Variants in GLG1 observed in about 807,000 individuals in gnomAD.
GLG1 encodes Golgi apparatus protein 1.
In GLG1, 38 loss-of-function variants were observed where a neutral mutation model predicts 160.5. The ratio of observed to expected loss-of-function variants is 0.24; its 90% confidence interval spans 0.18 to 0.31. The LOEUF is 0.31. GLG1 is among the 10% of genes least tolerant of loss of function. The pLI is 1.00. For synonymous variants in GLG1, 644 were observed against 543.4 expected, an observed-to-expected ratio of 1.19 and a Z score of -2.57; for missense variants, 1,373 against 1,505.2, an observed-to-expected ratio of 0.91 and a Z score of 1.45.
chr16:74,596,412 C>T (rs924651287), intron 1 of GLG1, among the ~76,000 whole-genome samples: 1 of 150,274 alleles, frequency 6.7e-6, no homozygotes, highest in African/African-American at 2.5e-5. Context: ...GCCTGTAAAC[C>T]CAGCTACTCG....
chr16:74,532,924 G>C (rs747466670), intron 1 of GLG1, among the ~76,000 whole-genome samples: 13 of 152,114 alleles, frequency 8.5e-5, no homozygotes, highest in Non-Finnish European at 1.9e-4. Flanking sequence ...AACTTCCTGT[G>C]AGTCTATAAT....
At position 74,447,829 on chromosome 16, in the gene GLG1, C is replaced by A. The variant is rs2014128456; in HGVS notation, c.*5338G>T. 1 of 152,282 alleles carries A rather than the reference C, an allele frequency of 6.6e-6. No homozygotes were observed. The highest frequency in any genetic ancestry group is 1.5e-5 in the Non-Finnish European group (1 of 68,086). The allele number at this position is 152,282 out of a possible 1,614,324, so 9.4% of individuals were successfully genotyped here. On this transcript the variant is annotated 3_prime_UTR_variant, in exon 26 of 26. Coordinates refer to ENST00000422840, the MANE Select transcript of GLG1 (RefSeq NM_001145667.2). ...GGGGGACCTGGAGGGCCCATTTCTA[C>A]CACCCTAGCATGTCTGACAGAAAGC...
At chr16:74,515,154 T>C (rs921479633) in intron 2 of GLG1, among the ~76,000 whole-genome samples, 2 of 152,150 alleles carry the variant, frequency 1.3e-5, no homozygotes, top group South Asian at 2.1e-4. Context: ...AGCAAGTTCT[T>C]AGAGACCTAC....
At chr16:74,586,102 G>A (rs766723817) in intron 1 of GLG1, among the ~76,000 whole-genome samples, 12 of 151,614 alleles carry the variant, frequency 7.9e-5, no homozygotes, top group African/African-American at 2.7e-4. Context: ...GGTAAACAGG[G>A]TGAATCCTAT....
chr16:74,494,655 T>G lies in GLG1; in HGVS notation c.1050+105A>C, dbSNP rs1290882297. ...CTCCTGACCTCGTGATCCACCTGCCTCAGCCTCCCAAAGTGCTGGGATTAC... is the reference window on the plus strand; with the variant it reads ...CTCCTGACCTCGTGATCCACCTGCCGCAGCCTCCCAAAGTGCTGGGATTAC... On this transcript the variant is annotated intron_variant, in intron 6 of 25. Transcript: ENST00000422840. 7.3e-6 allele frequency: 4 copies of G among 546,532 alleles called. No individual in the cohort carries two copies. In the East Asian group the frequency reaches 1.5e-4, roughly 20 times the overall value. 33.9% of individuals were successfully genotyped at this position (546,532 alleles called of 1,614,324 possible).
intron 2 of GLG1, among the ~76,000 whole-genome samples, chr16:74,527,976 C>A (rs1443337836): frequency 6.6e-6 from 1 of 150,754 alleles, no homozygotes; most frequent in East Asian, 2.0e-4. Flanking sequence ...GCTCCACCTC[C>A]CAGGGTCACA....
rs1374742571 is a variant in GLG1, at chr16:74,470,294, TTCCTTCCTTCCCTCCCTCCC to T, written c.2230-241_2230-222del. Among the ~76,000 whole-genome samples, 275 of 147,232 alleles carry T rather than the reference TTCCTTCCTTCCCTCCCTCCC, an allele frequency of 1.9e-3. 1 individual carries two copies. Among genetic ancestry groups the T allele is most frequent in the African/African-American group, 6.6e-3 (262 of 39,956 alleles). On this transcript the variant is annotated intron_variant, in intron 15 of 25. Coordinates refer to ENST00000422840, the MANE Select transcript of GLG1 (RefSeq NM_001145667.2). ...CTCCCTCCCTCCTTCCTTCCTTTCCTTCCTTCCTTCCCTCCCTCCCTCCTTCCTTCCTTTCCTTCTTTCCT... is the reference window on the plus strand; with the variant it reads ...CTCCCTCCCTCCTTCCTTCCTTTCCTTCCTTCCTTCCTTTCCTTCTTTCCT...
chr16:74,600,054 A>G (rs1958403662), intron 1 of GLG1, among the ~76,000 whole-genome samples: 1 of 151,928 alleles, frequency 6.6e-6, no homozygotes. Context: ...AAAACAAAAC[A>G]AAAAAACAAC....
chr16:74,508,950 AC>A (rs1262347772), intron 2 of GLG1, 25 bp from the exon 3 acceptor site: 8 of 921,142 alleles, frequency 8.7e-6, no homozygotes, highest in African/African-American at 1.7e-5. Flanking sequence ...AAAAAAAAAA[AC>A]AAAGAAAAAC....
At position 74,477,753 on chromosome 16, in the gene GLG1, C is replaced by G. The variant is rs537149306; in HGVS notation, c.1828-220G>C. ...CTTTGGGAGGTCGAGGCGGGCGGAT[C>G]ACCTGAGGTCGGGAGTTTGAGACCA... On this transcript the variant is annotated intron_variant, in intron 11 of 25. Transcript: ENST00000422840. Among the ~76,000 whole-genome samples the G allele has an allele frequency of 2.6e-3, 396 of 152,060 alleles. 4 individuals are homozygous for G. Among genetic ancestry groups the G allele is most frequent in the African/African-American group, 9.1e-3 (379 of 41,482 alleles).
In GLG1 at chr16:74,508,905, C is replaced by A; in HGVS notation, c.492G>T (p.Leu164=). The A allele has an allele frequency of 6.8e-7, 1 of 1,470,374 alleles. No individual in the cohort carries two copies. The highest frequency in any genetic ancestry group is 1.1e-5 in the South Asian group (1 of 87,986). 91.1% of individuals were successfully genotyped at this position (1,470,374 alleles called of 1,614,324 possible). A position where few individuals can be genotyped will look rare whatever the true frequency, so the allele number is the denominator to read the frequency against. Residue 164 remains leucine, a synonymous_variant, in exon 3 of 26, where the codon CTG becomes CTT. Transcript: ENST00000422840. ...DCNHLLWNYK[L]NLTTDPKFES... is the part of the protein sequence containing the mutation. ...CAAATTTGGGATCTGTAGTTAGGTT[C>A]AGCTTATAATTCCACAACAACTAGA...
intron 4 of GLG1, 69 bp from the exon 5 acceptor site, chr16:74,496,713 T>TACACAC (rs34221253): frequency 0.073 from 44,738 of 614,516 alleles, 796 homozygotes; most frequent in Non-Finnish European, 0.087. Context: ...AACATTTGGC[T>TACACAC]ACACACACAC....
intron 4 of GLG1, among the ~76,000 whole-genome samples, chr16:74,500,658 G>C (rs1567484840): frequency 6.6e-6 from 1 of 151,592 alleles, no homozygotes; most frequent in Admixed American, 6.6e-5. Context: ...TTAAAAGCAG[G>C]AAATAATAAA....
chr16:74,511,129 C>T lies in GLG1; in HGVS notation c.472-2204G>A, dbSNP rs150735013. Among the ~76,000 whole-genome samples the T allele has an allele frequency of 2.8e-3, 431 of 152,092 alleles. 4 individuals are homozygous for T. The highest frequency in any genetic ancestry group is 9.8e-3 in the African/African-American group (405 of 41,486). ...TGACTGAACTTTAACCCAAGAATAA[C>T]GGGGAATCGCAGAAGAGAAAGTAGG... On this transcript the variant is annotated intron_variant, in intron 2 of 25. Coordinates refer to ENST00000422840, the MANE Select transcript of GLG1 (RefSeq NM_001145667.2).
chr16:74,599,793 G>A (rs541823447), intron 1 of GLG1, among the ~76,000 whole-genome samples: 1 of 152,132 alleles, frequency 6.6e-6, no homozygotes, highest in Admixed American at 6.6e-5. Flanking sequence ...GAACCCGGGA[G>A]GTAGAGCTTG....
chr16:74,566,583 C>G (rs2018659806), intron 1 of GLG1, among the ~76,000 whole-genome samples: 1 of 151,846 alleles, frequency 6.6e-6, no homozygotes, highest in African/African-American at 2.4e-5. Context: ...AGACTACCGT[C>G]TTCATTCTCT....
At chr16:74,489,538 T>A (rs1372794166) in intron 8 of GLG1, among the ~76,000 whole-genome samples, 4 of 151,894 alleles carry the variant, frequency 2.6e-5, no homozygotes, top group Non-Finnish European at 4.4e-5. Flanking sequence ...GCTTTAAGGA[T>A]GAAGTGCAAA....
At chr16:74,567,571 T>G (rs2018692876) in intron 1 of GLG1, among the ~76,000 whole-genome samples, 1 of 138,774 alleles carries the variant, frequency 7.2e-6, no homozygotes, top group Non-Finnish European at 1.6e-5. Flanking sequence ...TTTTTTTTTT[T>G]TTTTTTTTGA....
At chr16:74,457,677 C>A (rs2288053) in intron 24 of GLG1, among the ~76,000 whole-genome samples, 197 bp downstream of exon 24, 44,273 of 151,986 alleles carry the variant, frequency 0.29, 6,579 homozygotes, top group Middle Eastern at 0.36. Flanking sequence ...AGTTCAAACT[C>A]GCAGGCTTAT....
Sources: allele counts gnomAD v4.1 joint callset (sites outside exome capture counted in the v4.1 genomes callset), GRCh38; gene constraint gnomAD v4.1.1; transcripts MANE v1.5; gene names NCBI Gene and HGNC (gene_info 2026-07-23, HGNC 2026-07-21).